TTC29: variants seen among roughly 807,000 people sequenced by gnomAD.
TTC29 encodes the protein tetratricopeptide repeat domain 29.
A neutral mutation model predicts 58.1 loss-of-function variants in TTC29; 49 were observed. That is an observed-to-expected ratio of 0.84 (90% CI 0.67 to 1.07). The LOEUF (loss-of-function observed/expected upper bound fraction) is 1.07. Among genes scored for constraint, TTC29 ranks in the 50% least tolerant of loss-of-function variants. The pLI, the probability that TTC29 is intolerant of heterozygous loss-of-function variation, is 0.00. For missense variants in TTC29, 582 were observed against 555.6 expected (o/e 1.05, Z -0.48); for synonymous variants, 209 against 196.8 (o/e 1.06, Z -0.52).
chr4:146,908,323 A>G (rs1320041185), intron 5 of TTC29, among the ~76,000 whole-genome samples: 1 of 152,212 alleles, frequency 6.6e-6, no homozygotes, highest in Non-Finnish European at 1.5e-5. Flanking sequence ...ATTTGATTAT[A>G]GATGACTAGT....
chr4:146,902,617 C>T (rs188811423), intron 6 of TTC29, among the ~76,000 whole-genome samples: 1 of 152,226 alleles, frequency 6.6e-6, no homozygotes. Context: ...TTCCAAGTCC[C>T]TTGCCAGTCC....
chr4:146,846,131 GAC>G (rs1453925399), intron 8 of TTC29, among the ~76,000 whole-genome samples: 2 of 152,098 alleles, frequency 1.3e-5, no homozygotes, highest in Non-Finnish European at 2.9e-5. Context: ...AAAAAAAAAT[GAC>G]AGTTTATACC....
At chr4:146,736,954 C>T (rs867250104) in intron 11 of TTC29, among the ~76,000 whole-genome samples, 2 of 152,172 alleles carry the variant, frequency 1.3e-5, no homozygotes, top group African/African-American at 4.8e-5. Context: ...GCACTATGAA[C>T]AGCTCTCAAC....
At chr4:146,852,665 A>T (rs1241765960) in intron 8 of TTC29, among the ~76,000 whole-genome samples, 1 of 152,226 alleles carries the variant, frequency 6.6e-6, no homozygotes, top group Non-Finnish European at 1.5e-5. Context: ...TAAGAATGGC[A>T]CTGGTATATG....
chr4:146,762,764 T>C (rs1747007993), intron 11 of TTC29, among the ~76,000 whole-genome samples: 1 of 152,004 alleles, frequency 6.6e-6, no homozygotes, highest in South Asian at 2.1e-4. Flanking sequence ...ATAACCGAAG[T>C]ATAATTTTCC....
chr4:146,917,577 G>A (rs1271599226), intron 4 of TTC29, among the ~76,000 whole-genome samples: 1 of 88,834 alleles, frequency 1.1e-5, no homozygotes, highest in Non-Finnish European at 2.6e-5. Context: ...TTTATAAAAT[G>A]CAATTAGATA....
chr4:146,836,175 C>G (rs1268540332), intron 8 of TTC29, among the ~76,000 whole-genome samples: 2 of 152,086 alleles, frequency 1.3e-5, no homozygotes, highest in East Asian at 3.8e-4. Context: ...GATATTAGGA[C>G]AAGAATTATT....
In TTC29 at chr4:146,871,850, G is replaced by A. The variant is rs1248984965; in HGVS notation, c.799+2866C>T. 2.0e-5 allele frequency among the ~76,000 whole-genome samples: 3 copies of A among 151,966 alleles called. 1 individual carries two copies. The South Asian group carries it at 6.2e-4, about 31-fold the overall frequency. On this transcript the variant is annotated intron_variant, in intron 7 of 12. Coordinates refer to ENST00000325106, the MANE Select transcript of TTC29 (RefSeq NM_031956.4). ...CCCTAAATTGATTGACAGATTCAATGCAATTCCCATCAAAATTCCAGCTCC... is the reference window on the plus strand; with the variant it reads ...CCCTAAATTGATTGACAGATTCAATACAATTCCCATCAAAATTCCAGCTCC...
At chr4:146,856,366 A>G (rs1383687588) in intron 8 of TTC29, among the ~76,000 whole-genome samples, 1 of 152,044 alleles carries the variant, frequency 6.6e-6, no homozygotes, top group Non-Finnish European at 1.5e-5. Flanking sequence ...CTAGATCTCA[A>G]GGGAAACTAA....
chr4:146,893,771 T>C (rs192195329), intron 6 of TTC29, among the ~76,000 whole-genome samples: 4 of 152,266 alleles, frequency 2.6e-5, no homozygotes, highest in South Asian at 4.2e-4. Context: ...AGGAAATTTT[T>C]GCAATCTACT....
In TTC29 at chr4:146,820,144, C is replaced by G; in HGVS notation, c.1082G>C (p.Gly361Ala). 2 of 1,613,050 alleles carry G rather than the reference C, an allele frequency of 1.2e-6. No homozygotes were observed. Among genetic ancestry groups the G allele is most frequent in the Non-Finnish European group, 1.7e-6 (2 of 1,179,752 alleles). Residue 361 changes from glycine (G) to alanine (A), a missense_variant, in exon 10 of 13, where the codon GGG becomes GCG. Physicochemically the swap from Gly to Ala is moderately conservative, Grantham distance 60 (BLOSUM62 0). Transcript: ENST00000325106. ...LDLVRASTML[G>A]DIYNEKGYYN... is the part of the protein sequence containing the mutation. ...ACTCACTTTTTCATTGTAGATGTCC[C>G]CAAGCATTGTACTTGCTCTCACCAA...
chr4:146,709,365 T>C (rs1742319768), intron 11 of TTC29, among the ~76,000 whole-genome samples: 1 of 152,162 alleles, frequency 6.6e-6, no homozygotes, highest in Non-Finnish European at 1.5e-5. Flanking sequence ...ATTCTTCTAC[T>C]TCATTGGAAC....
chr4:146,924,523 T>C (rs1734797618), intron 4 of TTC29, among the ~76,000 whole-genome samples: 2 of 151,980 alleles, frequency 1.3e-5, no homozygotes, highest in Admixed American at 1.3e-4. Context: ...ATCTAAGTCG[T>C]TGAGTTTATC....
At chr4:146,714,816 G>A (rs1188231065) in intron 11 of TTC29, among the ~76,000 whole-genome samples, 5 of 152,078 alleles carry the variant, frequency 3.3e-5, no homozygotes, top group Non-Finnish European at 5.9e-5. Context: ...TAAGTACAAT[G>A]CATGACAACG....
chr4:146,774,087 C>T (rs907763912), intron 11 of TTC29, among the ~76,000 whole-genome samples: 6 of 151,920 alleles, frequency 3.9e-5, no homozygotes, highest in African/African-American at 1.4e-4. Flanking sequence ...GAGGTCATGA[C>T]TCATTTGTCA....
chr4:146,824,569 T>C (rs978285552), intron 9 of TTC29, among the ~76,000 whole-genome samples: 5 of 152,142 alleles, frequency 3.3e-5, no homozygotes, highest in Non-Finnish European at 5.9e-5. Flanking sequence ...TTTCTTTTTT[T>C]TTGTGGTGTC....
At chr4:146,750,830 T>C (rs1203135708) in intron 11 of TTC29, among the ~76,000 whole-genome samples, 1 of 152,080 alleles carries the variant, frequency 6.6e-6, no homozygotes, top group African/African-American at 2.4e-5. Flanking sequence ...TAAAACAATC[T>C]GAAAACAACA....
chr4:146,763,496 A>G (rs1403487940), intron 11 of TTC29, among the ~76,000 whole-genome samples: 2 of 152,060 alleles, frequency 1.3e-5, no homozygotes, highest in African/African-American at 4.8e-5. Flanking sequence ...ACATTCATCC[A>G]TATTCAAATG....
chr4:146,918,517 AT>A (rs1734382769), intron 4 of TTC29, among the ~76,000 whole-genome samples: 1 of 151,226 alleles, frequency 6.6e-6, no homozygotes, highest in Non-Finnish European at 1.5e-5. Context: ...GATGTTTTGC[AT>A]TAAAGGCAGT....
Sources: allele counts gnomAD v4.1 joint callset (sites outside exome capture counted in the v4.1 genomes callset), GRCh38; gene constraint gnomAD v4.1.1; transcripts MANE v1.5; gene names NCBI Gene and HGNC (gene_info 2026-07-23, HGNC 2026-07-21).